Variants in PLXNA2 observed in about 807,000 individuals in gnomAD.
The protein encoded by PLXNA2 is plexin-A2.
In PLXNA2, 91 loss-of-function variants were observed where a neutral mutation model predicts 193.5. The observed-to-expected ratio is 0.47, with a 90% CI of 0.40 to 0.56. The LOEUF (loss-of-function observed/expected upper bound fraction) is 0.56, where lower values mean the gene tolerates loss of function less well. Ranked by LOEUF, PLXNA2 falls within the 20% of genes least tolerant of loss-of-function variation. The pLI is 0.00. For missense variants in PLXNA2, 1,995 were observed against 2,503.2 expected (o/e 0.80, Z 4.33); for synonymous variants, 997 against 1,027.3 (o/e 0.97, Z 0.56).
At chr1:208,196,366 C>G (rs1670359925) in intron 3 of PLXNA2, among the ~76,000 whole-genome samples, 1 of 152,224 alleles carries the variant, frequency 6.6e-6, no homozygotes, top group African/African-American at 2.4e-5. Context: ...AAACCATGTT[C>G]TCTGCTAATA....
At chr1:208,211,173 CA>C (rs1558246622) in intron 2 of PLXNA2, among the ~76,000 whole-genome samples, 1 of 152,218 alleles carries the variant, frequency 6.6e-6, no homozygotes, top group African/African-American at 2.4e-5. Flanking sequence ...TGTGAAGGAA[CA>C]AATGAAATAA....
At position 208,045,156 on chromosome 1, in the gene PLXNA2, G is replaced by T. The variant is rs1665017474; in HGVS notation, c.3550C>A (p.Leu1184Ile). The stretch of plus-strand genomic sequence containing the variant: ...ACAGCACAAGGGGTCTCTCCGATGA[G>T]CACAGTGTAGTTGAGTTTGGCCCCT... ...SGGAKLNYTV[L>I]IGETPCAVTV... The change falls in exon 19 of 32, where the codon CTC (leucine) becomes ATC (isoleucine). Residue 1184 changes from leucine to isoleucine, a missense_variant. Around this residue, in one of 3 missense-constraint regions of PLXNA2, gnomAD observed 1,291 missense variants for 1,673.6 expected, o/e 0.77. Coordinates refer to ENST00000367033, the MANE Select transcript of PLXNA2 (RefSeq NM_025179.4). 6.2e-7 allele frequency: 1 copy of T among 1,614,176 alleles called. No individual in the cohort carries two copies. Among genetic ancestry groups the T allele is most frequent in the Non-Finnish European group, 8.5e-7 (1 of 1,180,002 alleles).
At chr1:208,170,022 C>T (rs1669440056) in intron 3 of PLXNA2, among the ~76,000 whole-genome samples, 1 of 152,172 alleles carries the variant, frequency 6.6e-6, no homozygotes, top group Non-Finnish European at 1.5e-5. Flanking sequence ...CTGTGCATCC[C>T]TCATTAGATA....
rs1388588553 is a variant in PLXNA2 at position 208,046,086 on chromosome 1, G to C, written c.3287C>G (p.Thr1096Ser). 1 of 1,614,254 alleles carries C rather than the reference G, an allele frequency of 6.2e-7. No individual in the cohort carries two copies. Among genetic ancestry groups the C allele is most frequent in the Non-Finnish European group, 8.5e-7 (1 of 1,180,044 alleles). Residue 1096 changes from threonine (T) to serine (S), a missense_variant, in exon 18 of 32, where the codon ACC becomes AGC. Physicochemically the swap from Thr to Ser is moderately conservative, Grantham distance 58 (BLOSUM62 1). Transcript: ENST00000367033. ...CGTGGTCAGAGAGGGTGCCAGGCAG[G>C]TGAGGGTGGTTGTGTTCACAACTTT... ...VCKVVNTTTL[T>S]CLAPSLTTDY... is the part of the protein sequence containing the mutation.
At chr1:208,152,003 T>C (rs1427953282) in intron 3 of PLXNA2, among the ~76,000 whole-genome samples, 1 of 152,252 alleles carries the variant, frequency 6.6e-6, no homozygotes, top group African/African-American at 2.4e-5. Context: ...GAAGGCCACC[T>C]GCAGTCTGGA....
intron 9 of PLXNA2, among the ~76,000 whole-genome samples, chr1:208,087,830 A>G (rs1051292333): frequency 1.3e-5 from 2 of 152,130 alleles, no homozygotes; most frequent in Admixed American, 6.5e-5. Context: ...TGAAACTTCA[A>G]TATCTGTGGG....
chr1:208,172,985 A>G (rs1266800132), intron 3 of PLXNA2, among the ~76,000 whole-genome samples: 1 of 152,220 alleles, frequency 6.6e-6, no homozygotes, highest in East Asian at 1.9e-4. Context: ...ACTGCCCTCT[A>G]GGCTGGAGCT....
intron 1 of PLXNA2, among the ~76,000 whole-genome samples, chr1:208,239,291 C>A (rs1023216386): frequency 1.2e-4 from 19 of 152,236 alleles, no homozygotes; most frequent in South Asian, 2.1e-4. Context: ...ATTCAGAAAA[C>A]CCCCTTCTGC....
At chr1:208,107,647 C>T (rs762412219) in intron 4 of PLXNA2, among the ~76,000 whole-genome samples, 3 of 152,178 alleles carry the variant, frequency 2.0e-5, no homozygotes, top group Non-Finnish European at 2.9e-5. Flanking sequence ...TCCACCGCGT[C>T]GGGCGCCCTC....
At chr1:208,186,968 G>A (rs1426320950) in intron 3 of PLXNA2, among the ~76,000 whole-genome samples, 2 of 151,718 alleles carry the variant, frequency 1.3e-5, no homozygotes, top group Non-Finnish European at 2.9e-5. Context: ...TGATCCACCC[G>A]CCTCGGCCTC....
Position 208,027,274 on chromosome 1 carries a change from TG to T in PLXNA2, c.5653del (p.Gln1885SerfsTer37). On this transcript the variant is annotated frameshift_variant, in exon 32 of 32. Coordinates refer to ENST00000367033, the MANE Select transcript of PLXNA2 (RefSeq NM_025179.4). LOFTEE classifies it high-confidence loss of function. ...RRQRLAYKVE[Q>X]LINAMSIES ...CTCAATGGACATGGCATTAATGAGC[TG>T]CTCCACCTTATAAGCCAGCCGCTGC... The T allele has an allele frequency of 6.2e-7, 1 of 1,613,854 alleles. No homozygotes were observed. The highest frequency in any genetic ancestry group is 8.5e-7 in the Non-Finnish European group (1 of 1,179,990).
chr1:208,031,543 C>T, intron 29 of PLXNA2, 47 bp downstream of exon 29: 3 of 1,607,754 alleles, frequency 1.9e-6, no homozygotes, highest in South Asian at 1.1e-5. Context: ...CTCTTAGCTC[C>T]AGGCCTCTCC....
chr1:208,095,980 C>T, intron 8 of PLXNA2, 49 bp downstream of exon 8: 1 of 1,405,698 alleles, frequency 7.1e-7, no homozygotes, highest in Non-Finnish European at 1.0e-6. Context: ...GAAGAAAGCC[C>T]ATACCCACAT....
Position 208,030,476 on chromosome 1 carries a change from CTGTCCTGG to C in PLXNA2, c.5225+1106_5225+1113del, listed in dbSNP as rs751815524. ...TGTCCAGGGAATGCAGATGGAAGGC[CTGTCCTGG>C]CAAAGTGGACTGTGGGCTCTTAACC... On this transcript the variant is annotated intron_variant, in intron 29 of 31. Transcript: ENST00000367033. 9.9e-3 allele frequency: 9,799 copies of C among 985,352 alleles called. 58 individuals carry two copies. The highest frequency in any genetic ancestry group is 0.035 in the South Asian group (747 of 21,274). 61.0% of individuals were successfully genotyped at this position (985,352 alleles called of 1,614,324 possible).
At chr1:208,033,214 TG>T in intron 28 of PLXNA2, 104 bp downstream of exon 28, 1 of 1,094,600 alleles carries the variant, frequency 9.1e-7, no homozygotes, top group Non-Finnish European at 1.4e-6. Context: ...ACTGTCTGAA[TG>T]GGTCCTCTTG....
intron 6 of PLXNA2, among the ~76,000 whole-genome samples, chr1:208,098,001 A>G (rs571319148): frequency 1.1e-4 from 16 of 152,260 alleles, no homozygotes; most frequent in Non-Finnish European, 1.8e-4. Flanking sequence ...CACCGCGCCC[A>G]GCCTGTAGGT....
At chr1:208,179,089 C>A (rs1266639489) in intron 3 of PLXNA2, among the ~76,000 whole-genome samples, 2 of 152,182 alleles carry the variant, frequency 1.3e-5, no homozygotes, top group Non-Finnish European at 2.9e-5. Context: ...TACGGAGAGT[C>A]TCTGGTGATG....
intron 9 of PLXNA2, among the ~76,000 whole-genome samples, chr1:208,089,264 C>G (rs144589438): frequency 1.3e-5 from 2 of 152,142 alleles, no homozygotes; most frequent in African/African-American, 2.4e-5. Flanking sequence ...CTGGCCCATC[C>G]ATAGCCTGAA....
chr1:208,084,293 G>A (rs778184212), intron 10 of PLXNA2, 87 bp downstream of exon 10: 309 of 1,416,770 alleles, frequency 2.2e-4, no homozygotes, highest in Non-Finnish European at 2.8e-4. Context: ...GGAAGGCTCC[G>A]GAAGCCAGGG....
Sources: allele counts gnomAD v4.1 joint callset (sites outside exome capture counted in the v4.1 genomes callset), GRCh38; gene constraint gnomAD v4.1.1; regional missense constraint gnomAD v4.1.1; transcripts MANE v1.5; gene names NCBI Gene and HGNC (gene_info 2026-07-23, HGNC 2026-07-21).